The following CABLES1 variants were observed in gnomAD, a reference collection of about 807,000 sequenced individuals.
CABLES1 encodes Cdk5 and Abl enzyme substrate 1, also known as CDK5 and ABL1 enzyme substrate 1.
CABLES1 carries 36 observed loss-of-function variants against 57.8 expected under a neutral mutation model. The observed-to-expected ratio is 0.62, with a 90% CI of 0.48 to 0.82. The LOEUF (loss-of-function observed/expected upper bound fraction) is 0.82. Ranked by LOEUF, CABLES1 falls within the 40% of genes least tolerant of loss-of-function variation. The pLI is 0.00. For synonymous variants in CABLES1, 374 were observed against 363.0 expected, an observed-to-expected ratio of 1.03 and a Z score of -0.35; for missense variants, 767 against 836.6, an observed-to-expected ratio of 0.92 and a Z score of 1.03.
chr18:23,161,902 G>C (rs1486367834), intron 1 of CABLES1, among the ~76,000 whole-genome samples: 1 of 150,774 alleles, frequency 6.6e-6, no homozygotes, highest in Non-Finnish European at 1.5e-5. Context: ...AGCCTGGGTG[G>C]ACAGAGCAAG....
intron 4 of CABLES1, among the ~76,000 whole-genome samples, chr18:23,233,993 G>A (rs1209019641): frequency 3.9e-5 from 6 of 152,122 alleles, no homozygotes; most frequent in African/African-American, 1.4e-4. Context: ...GAGATGGGTG[G>A]ATCACCTGAG....
In CABLES1 at chr18:23,136,252, C is replaced by T; in HGVS notation, c.490C>T (p.Arg164Trp). ...HATVSGPGVA[R>W]GFASPLGAGR... Reference sequence around the variant, plus strand: ...GACCGTGTCCGGCCCCGGGGTGGCGCGGGGGTTCGCGAGTCCCCTGGGCGC... The same window carrying T: ...GACCGTGTCCGGCCCCGGGGTGGCGTGGGGGTTCGCGAGTCCCCTGGGCGC... Residue 164 changes from arginine (R) to tryptophan (W), a missense_variant, in exon 1 of 10, where the codon CGG becomes TGG. Arg to Trp is a moderately radical substitution (Grantham distance 101). Around this residue, in one of 4 missense-constraint regions of CABLES1, gnomAD observed 529 missense variants for 622.8 expected, o/e 0.85. Coordinates refer to ENST00000256925, the MANE Select transcript of CABLES1 (RefSeq NM_001100619.3). 4 of 1,317,734 alleles carry T rather than the reference C, an allele frequency of 3.0e-6. No individual in the cohort carries two copies. The highest frequency in any genetic ancestry group is 2.9e-6 in the Non-Finnish European group (3 of 1,039,734). 81.6% of individuals were successfully genotyped at this position (1,317,734 alleles called of 1,614,324 possible).
At chr18:23,256,265 T>G (rs1205923233) in intron 9 of CABLES1, among the ~76,000 whole-genome samples, 2 of 152,236 alleles carry the variant, frequency 1.3e-5, no homozygotes, top group African/African-American at 2.4e-5. Context: ...TTCTCCTTCC[T>G]TTCCAGCTCC....
chr18:23,161,185 G>T (rs1568048101), intron 1 of CABLES1, among the ~76,000 whole-genome samples: 1 of 152,078 alleles, frequency 6.6e-6, no homozygotes, highest in Non-Finnish European at 1.5e-5. Context: ...CTCCAGCCTG[G>T]GTGACAGAGG....
chr18:23,209,943 G>A (rs2047392911), intron 3 of CABLES1, among the ~76,000 whole-genome samples: 1 of 152,150 alleles, frequency 6.6e-6, no homozygotes, highest in Non-Finnish European at 1.5e-5. Context: ...AGCTAATTGT[G>A]GCTGTGGAAG....
At chr18:23,168,902 T>C (rs1338684591) in intron 1 of CABLES1, among the ~76,000 whole-genome samples, 1 of 152,014 alleles carries the variant, frequency 6.6e-6, no homozygotes, top group Non-Finnish European at 1.5e-5. Context: ...AGCTCCTTCT[T>C]AAATAGGAGC....
chr18:23,179,370 T>G (rs1213931391), intron 1 of CABLES1, among the ~76,000 whole-genome samples: 2 of 152,218 alleles, frequency 1.3e-5, no homozygotes, highest in Admixed American at 1.3e-4. Context: ...AATCCTGTCT[T>G]CCTTCCTTTA....
At chr18:23,161,752 T>G (rs1185364841) in intron 1 of CABLES1, among the ~76,000 whole-genome samples, 1 of 23,438 alleles carries the variant, frequency 4.3e-5, no homozygotes, top group Non-Finnish European at 1.0e-4. Context: ...CTACTAAAAA[T>G]CCAAAAAAAA....
intron 7 of CABLES1, among the ~76,000 whole-genome samples, chr18:23,241,822 A>G (rs1243408239): frequency 1.3e-5 from 2 of 152,172 alleles, no homozygotes; most frequent in African/African-American, 4.8e-5. Context: ...CATGTCTTAG[A>G]GTGGGAAGCT....
chr18:23,191,866 A>C (rs1209832259), intron 2 of CABLES1, among the ~76,000 whole-genome samples: 1 of 140,562 alleles, frequency 7.1e-6, no homozygotes, highest in East Asian at 2.4e-4. Flanking sequence ...CAATTCTCTT[A>C]AAGCATTTCT....
chr18:23,249,603 G>A (rs907265479), intron 7 of CABLES1, among the ~76,000 whole-genome samples: 8 of 152,148 alleles, frequency 5.3e-5, no homozygotes, highest in East Asian at 1.9e-4. Flanking sequence ...TTTTACGTAC[G>A]TTTTGTTCTC....
chr18:23,249,796 C>T (rs1283529476), intron 7 of CABLES1, among the ~76,000 whole-genome samples: 1 of 152,086 alleles, frequency 6.6e-6, no homozygotes, highest in Non-Finnish European at 1.5e-5. Flanking sequence ...TCTTCTCGGA[C>T]ATCCTGGTGA....
intron 4 of CABLES1, among the ~76,000 whole-genome samples, chr18:23,217,808 A>C (rs1283504546): frequency 6.6e-6 from 1 of 152,260 alleles, no homozygotes; most frequent in East Asian, 1.9e-4. Flanking sequence ...TTTACGCTGA[A>C]GTTCTTTTTG....
chr18:23,179,820 C>T (rs572539197), intron 1 of CABLES1, among the ~76,000 whole-genome samples: 13 of 152,264 alleles, frequency 8.5e-5, no homozygotes, highest in Non-Finnish European at 1.9e-4. Context: ...CTTTAAGGGT[C>T]TGTGTATCTT....
intron 4 of CABLES1, among the ~76,000 whole-genome samples, chr18:23,228,325 C>T (rs953935992): frequency 6.6e-6 from 1 of 152,158 alleles, no homozygotes; most frequent in Admixed American, 6.5e-5. Flanking sequence ...AGTCCAGAGT[C>T]GGCCGTTTTA....
intron 3 of CABLES1, among the ~76,000 whole-genome samples, chr18:23,205,501 C>T (rs993014492): frequency 6.6e-6 from 1 of 152,078 alleles, no homozygotes; most frequent in Non-Finnish European, 1.5e-5. Flanking sequence ...GCCGGACATT[C>T]TCACTTCTGT....
rs533717216 is a variant in CABLES1, at chr18:23,207,343, T to A, written c.1011-6634T>A. Among the ~76,000 whole-genome samples the A allele has an allele frequency of 9.2e-5, 14 of 152,288 alleles. No individual in the cohort carries two copies. In the South Asian group the frequency reaches 2.5e-3, roughly 27 times the overall value. ...CGTGGAGGTCCGTGAACATTTATTA[T>A]TCACTCAGTTCCTTGAATAGGCTGA... is the stretch of plus-strand genomic sequence containing the variant. On this transcript the variant is annotated intron_variant, in intron 3 of 9. Transcript: ENST00000256925.
rs539465741 is a variant in CABLES1, at chr18:23,164,982, AG to A, written c.846-23854del. Among the ~76,000 whole-genome samples the A allele has an allele frequency of 2.6e-3, 392 of 152,256 alleles. 4 individuals are homozygous for A. Among genetic ancestry groups the A allele is most frequent in the African/African-American group, 8.9e-3 (370 of 41,546 alleles). ...GAGACAGGGTTTTACCATGCTGGCC[AG>A]GCTGGTCTCGAACTCCTGAACTCAG... On this transcript the variant is annotated intron_variant, in intron 1 of 9. Coordinates refer to ENST00000256925, the MANE Select transcript of CABLES1 (RefSeq NM_001100619.3).
At chr18:23,254,047 A>G (rs2048104936) in intron 9 of CABLES1, 111 bp downstream of exon 9, 2 of 865,614 alleles carry the variant, frequency 2.3e-6, no homozygotes, top group Non-Finnish European at 3.7e-6. Flanking sequence ...ATCCTTAGTC[A>G]GCAATTGAGG....
Sources: allele counts gnomAD v4.1 joint callset (sites outside exome capture counted in the v4.1 genomes callset), GRCh38; gene constraint gnomAD v4.1.1; regional missense constraint gnomAD v4.1.1; transcripts MANE v1.5; gene names NCBI Gene and HGNC (gene_info 2026-07-23, HGNC 2026-07-21).